SPARCL1: variants seen among roughly 807,000 people sequenced by gnomAD.
SPARCL1 encodes the protein SPARC-like protein 1.
SPARCL1 carries 52 observed loss-of-function variants against 67.1 expected under a neutral mutation model. The observed-to-expected ratio is 0.78, with a 90% CI of 0.62 to 0.98. The LOEUF (loss-of-function observed/expected upper bound fraction) is 0.98. Among genes scored for constraint, SPARCL1 ranks in the 50% least tolerant of loss-of-function variants. The pLI is 0.00. For missense variants in SPARCL1, 717 were observed against 782.4 expected, an observed-to-expected ratio of 0.92 and a Z score of 1.00; for synonymous variants, 226 against 267.8, an observed-to-expected ratio of 0.84 and a Z score of 1.52.
At chr4:87,499,318 G>T (rs1724750553) in intron 2 of SPARCL1, among the ~76,000 whole-genome samples, 1 of 152,104 alleles carries the variant, frequency 6.6e-6, no homozygotes, top group African/African-American at 2.4e-5. Context: ...GTGTCCTGTA[G>T]AACCTGATAG....
At chr4:87,514,043 A>AAC (rs1263321424) in intron 1 of SPARCL1, among the ~76,000 whole-genome samples, 1 of 151,938 alleles carries the variant, frequency 6.6e-6, no homozygotes, top group Non-Finnish European at 1.5e-5. Context: ...AAAACACAAA[A>AAC]ACTAGCTGGG....
chr4:87,490,310 C>A lies in SPARCL1; in HGVS notation c.1494G>T (p.Gly498=), dbSNP rs1404138450. Residue 498 remains glycine, a synonymous_variant, in exon 7 of 11, where the codon GGG becomes GGT. Transcript: ENST00000282470. ...CAAAATAATCCAGCTGGAGTTGATGCCCCTTTTTGGTCCCCTCCAGTCTGC... is the reference window on the plus strand; with the variant it reads ...CAAAATAATCCAGCTGGAGTTGATGACCCTTTTTGGTCCCCTCCAGTCTGC... ...TKCRLEGTKK[G]HQLQLDYFGA... is the part of the protein sequence containing the mutation. The A allele has an allele frequency of 1.2e-6, 2 of 1,612,930 alleles. No individual in the cohort carries two copies. Among genetic ancestry groups the A allele is most frequent in the Non-Finnish European group, 1.7e-6 (2 of 1,179,496 alleles).
intron 1 of SPARCL1, among the ~76,000 whole-genome samples, chr4:87,524,339 C>A (rs1318025122): frequency 6.6e-6 from 1 of 152,136 alleles, no homozygotes; most frequent in African/African-American, 2.4e-5. Flanking sequence ...TTCAAAAAGG[C>A]CATTCATGTC....
intron 7 of SPARCL1, among the ~76,000 whole-genome samples, chr4:87,487,794 T>C (rs1052459203): frequency 6.6e-6 from 1 of 152,194 alleles, no homozygotes; most frequent in Admixed American, 6.5e-5. Flanking sequence ...GTTTATTCCT[T>C]TTCATTCTTT....
rs1008318237 is a variant in SPARCL1 at position 87,508,228 on chromosome 4, C to T, written c.-11-8643G>A. ...TTCTTTTTGGCCTCTTTTTTTTTTCCTTTGAGGTGGGTCTCACTCTGACTG... is the reference window on the plus strand; with the variant it reads ...TTCTTTTTGGCCTCTTTTTTTTTTCTTTTGAGGTGGGTCTCACTCTGACTG... On this transcript the variant is annotated intron_variant, in intron 1 of 10. Transcript: ENST00000282470. 2.1e-3 allele frequency among the ~76,000 whole-genome samples: 324 copies of T among 151,242 alleles called. 1 individual carries two copies. Among genetic ancestry groups the T allele is most frequent in the African/African-American group, 7.5e-3 (310 of 41,264 alleles).
In SPARCL1 at chr4:87,491,653, G is replaced by GT. The variant is rs778888160; in HGVS notation, c.1255dup (p.Thr419AsnfsTer4). On this transcript the variant is annotated frameshift_variant, in exon 5 of 11. Transcript: ENST00000282470. LOFTEE classifies it high-confidence loss of function. ...CACCCTCATGTTGCCTTCACTTGACGTTTCCTCCTCATTTGATGAGTTCTC... is the reference window on the plus strand; with the variant it reads ...CACCCTCATGTTGCCTTCACTTGACGTTTTCCTCCTCATTTGATGAGTTCTC... 3 of 1,613,674 alleles carry GT rather than the reference G, an allele frequency of 1.9e-6. No individual in the cohort carries two copies. The Admixed American group carries it at 5.0e-5, about 27-fold the overall frequency.
chr4:87,474,758 T>C (rs1244324303), intron 10 of SPARCL1, among the ~76,000 whole-genome samples: 2 of 151,394 alleles, frequency 1.3e-5, no homozygotes, highest in Non-Finnish European at 3.0e-5. Flanking sequence ...TTTTTTTTTT[T>C]TTGAGACGGA....
At chr4:87,523,368 A>G (rs1245028551) in intron 1 of SPARCL1, among the ~76,000 whole-genome samples, 1 of 152,246 alleles carries the variant, frequency 6.6e-6, no homozygotes, top group East Asian at 1.9e-4. Flanking sequence ...TTTAGTCATT[A>G]TTCCTGAGGT....
At position 87,490,896 on chromosome 4, in the gene SPARCL1, G is replaced by T. The variant is rs760388448; in HGVS notation, c.1292-18C>A. 5 of 1,423,576 alleles carry T rather than the reference G, an allele frequency of 3.5e-6. No individual in the cohort carries two copies. Among genetic ancestry groups the T allele is most frequent in the Non-Finnish European group, 4.9e-6 (5 of 1,029,146 alleles). The allele number at this position is 1,423,576 out of a possible 1,614,324, so 88.2% of individuals were successfully genotyped here. A position where few individuals can be genotyped will look rare whatever the true frequency, so the allele number is the denominator to read the frequency against. ...GCAAGAATCTAACAGAAAAGATTGGGCAGGAAGCATGGACAAAGTTAAATT... is the reference window on the plus strand; with the variant it reads ...GCAAGAATCTAACAGAAAAGATTGGTCAGGAAGCATGGACAAAGTTAAATT... On this transcript the variant is annotated intron_variant, in intron 5 of 10. Coordinates refer to ENST00000282470, the MANE Select transcript of SPARCL1 (RefSeq NM_004684.6).
chr4:87,505,342 A>G (rs1401993765), intron 1 of SPARCL1, among the ~76,000 whole-genome samples: 2 of 152,118 alleles, frequency 1.3e-5, no homozygotes, highest in Non-Finnish European at 2.9e-5. Context: ...AATATTTTAT[A>G]TATGGTAATT....
At chr4:87,486,580 C>G (rs1724066855) in intron 7 of SPARCL1, among the ~76,000 whole-genome samples, 1 of 152,120 alleles carries the variant, frequency 6.6e-6, no homozygotes, top group Admixed American at 6.6e-5. Context: ...ATTAGGTCTG[C>G]TTGGTCCAGA....
intron 2 of SPARCL1, among the ~76,000 whole-genome samples, chr4:87,498,379 A>G (rs1724708698): frequency 6.6e-6 from 1 of 152,102 alleles, no homozygotes; most frequent in African/African-American, 2.4e-5. Flanking sequence ...AGAATTTTAG[A>G]CCTAGAGAAG....
At chr4:87,498,335 A>C (rs1397551046) in intron 2 of SPARCL1, among the ~76,000 whole-genome samples, 1 of 152,178 alleles carries the variant, frequency 6.6e-6, no homozygotes, top group Non-Finnish European at 1.5e-5. Context: ...TGTCAACCAG[A>C]AGCTAGCTAA....
At chr4:87,475,115 C>T (rs1373561583) in intron 10 of SPARCL1, among the ~76,000 whole-genome samples, 2 of 152,084 alleles carry the variant, frequency 1.3e-5, no homozygotes, top group African/African-American at 4.8e-5. Flanking sequence ...AAAAAATGCT[C>T]CCCTTTTTTA....
intron 7 of SPARCL1, among the ~76,000 whole-genome samples, 157 bp downstream of exon 7, chr4:87,490,116 C>T (rs1003096422): frequency 2.0e-5 from 3 of 152,144 alleles, no homozygotes; most frequent in African/African-American, 7.2e-5. Flanking sequence ...ACGGTTAAGG[C>T]CTGAGAGTTC....
chr4:87,506,181 G>T (rs904813687), intron 1 of SPARCL1, among the ~76,000 whole-genome samples: 1 of 152,176 alleles, frequency 6.6e-6, no homozygotes, highest in Non-Finnish European at 1.5e-5. Context: ...GCAGACTGGT[G>T]CTTTCAGATT....
At chr4:87,507,419 G>T (rs1222497017) in intron 1 of SPARCL1, among the ~76,000 whole-genome samples, 1 of 151,784 alleles carries the variant, frequency 6.6e-6, no homozygotes, top group African/African-American at 2.4e-5. Flanking sequence ...CAAAAGGAAA[G>T]AATGTCCAGT....
At chr4:87,520,406 T>C (rs534339634) in intron 1 of SPARCL1, among the ~76,000 whole-genome samples, 1 of 152,200 alleles carries the variant, frequency 6.6e-6, no homozygotes, top group African/African-American at 2.4e-5. Context: ...AAGTGTTGGC[T>C]CAAAATTTGC....
intron 1 of SPARCL1, chr4:87,528,201 T>C (rs1406133312): frequency 7.4e-6 from 1 of 134,830 alleles, no homozygotes; most frequent in Non-Finnish European, 1.6e-5. Flanking sequence ...TCCTTTCTTT[T>C]CTTTTTTTCT....
Sources: gnomAD v4.1 joint callset for allele counts (sites outside exome capture counted in the v4.1 genomes callset) on GRCh38, gnomAD v4.1.1 for gene constraint, MANE v1.5 for transcripts, NCBI Gene and HGNC (gene_info 2026-07-23, HGNC 2026-07-21) for gene names.